Variants in GAB2 observed in about 807,000 individuals in gnomAD.
GAB2 encodes the protein GRB2-associated-binding protein 2.
In GAB2, 26 loss-of-function variants were observed where a neutral mutation model predicts 65.5. That is an observed-to-expected ratio of 0.40 (90% confidence interval 0.29 to 0.55). The LOEUF (loss-of-function observed/expected upper bound fraction) is 0.55, where lower values mean the gene tolerates loss of function less well. GAB2 is among the 20% of genes least tolerant of loss of function. The probability of loss-of-function intolerance (pLI) is 0.53; values close to 1 mark genes in which losing one functional copy is unlikely to be tolerated. For missense variants in GAB2, 884 were observed against 875.8 expected (o/e 1.01, Z -0.12); for synonymous variants, 321 against 329.6 (o/e 0.97, Z 0.28).
At chr11:78,239,255 C>G (rs556232685) in intron 3 of GAB2, among the ~76,000 whole-genome samples, 2 of 152,220 alleles carry the variant, frequency 1.3e-5, no homozygotes, top group African/African-American at 2.4e-5. Flanking sequence ...GAGTCTTGCT[C>G]TGTTGCCCAG....
At position 78,417,721 on chromosome 11, in the gene GAB2, G is replaced by T; in HGVS notation, c.-1C>A. The T allele has an allele frequency of 7.6e-7, 1 of 1,323,256 alleles. No individual in the cohort carries two copies. The allele number at this position is 1,323,256 out of a possible 1,614,324, so 82.0% of individuals were successfully genotyped here. A position where few individuals can be genotyped will look rare whatever the true frequency, so the allele number is the denominator to read the frequency against. The stretch of plus-strand genomic sequence containing the variant: ...ACACCACGTCGCCGCCGCCGCTCAT[G>T]CTGCCGGCCTGGAGCCCCCCGCCGG... On this transcript the variant is annotated 5_prime_UTR_variant, in exon 1 of 10. Transcript: ENST00000361507.
chr11:78,302,654 T>G (rs1867061200), intron 1 of GAB2, among the ~76,000 whole-genome samples: 2 of 152,226 alleles, frequency 1.3e-5, no homozygotes. Flanking sequence ...AACTACCATT[T>G]GATCCAGCAA....
chr11:78,242,225 G>A (rs563655701), intron 3 of GAB2, among the ~76,000 whole-genome samples: 2 of 152,306 alleles, frequency 1.3e-5, no homozygotes, highest in South Asian at 4.1e-4. Flanking sequence ...ATTTAGAGCC[G>A]GGTGTGGTGG....
intron 1 of GAB2, among the ~76,000 whole-genome samples, chr11:78,334,175 G>A (rs1855961540): frequency 1.3e-5 from 2 of 152,124 alleles, no homozygotes; most frequent in African/African-American, 4.8e-5. Flanking sequence ...TTTGACACAA[G>A]CATGCAATGT....
At chr11:78,383,462 C>T (rs1213147770) in intron 1 of GAB2, among the ~76,000 whole-genome samples, 2 of 150,118 alleles carry the variant, frequency 1.3e-5, no homozygotes, top group Admixed American at 1.3e-4. Context: ...CGTGGGGTCT[C>T]AGCCGTGTGT....
chr11:78,332,880 T>C (rs1380574986), intron 1 of GAB2, among the ~76,000 whole-genome samples: 3 of 152,144 alleles, frequency 2.0e-5, no homozygotes, highest in Non-Finnish European at 2.9e-5. Flanking sequence ...AATTTGAAGA[T>C]ATAGTTTTTG....
chr11:78,409,135 G>T (rs1317134967), intron 1 of GAB2, among the ~76,000 whole-genome samples: 1 of 152,012 alleles, frequency 6.6e-6, no homozygotes, highest in Non-Finnish European at 1.5e-5. Context: ...TCAGATATAG[G>T]CTATAATATA....
intron 1 of GAB2, among the ~76,000 whole-genome samples, chr11:78,288,925 T>G (rs1185778776): frequency 1.3e-5 from 2 of 152,218 alleles, no homozygotes; most frequent in East Asian, 1.9e-4. Context: ...ACTTATTATA[T>G]AGCTACAACA....
At position 78,275,343 on chromosome 11, in the gene GAB2, G is replaced by C. The variant is rs771893442; in HGVS notation, c.376+5258C>G. On this transcript the variant is annotated intron_variant, in intron 2 of 9. Coordinates refer to ENST00000361507, the MANE Select transcript of GAB2 (RefSeq NM_080491.3). ...TCATCATATGAAAAATGGAAATAAA[G>C]GTGATAAAGTGATTAAATGAAATAG... Among the ~76,000 whole-genome samples, 15 of 152,098 alleles carry C rather than the reference G, an allele frequency of 9.9e-5. No individual in the cohort carries two copies. The East Asian group carries it at 2.9e-3, about 29-fold the overall frequency.
intron 1 of GAB2, among the ~76,000 whole-genome samples, chr11:78,307,423 G>A (rs930356237): frequency 6.6e-6 from 1 of 152,072 alleles, no homozygotes; most frequent in Admixed American, 6.6e-5. Context: ...TTTGTGATGG[G>A]GAAAATAAAT....
chr11:78,336,003 G>A (rs1196328502), intron 1 of GAB2, among the ~76,000 whole-genome samples: 1 of 151,752 alleles, frequency 6.6e-6, no homozygotes, highest in African/African-American at 2.4e-5. Flanking sequence ...TACTATAAAT[G>A]GGATTACTTT....
intron 1 of GAB2, among the ~76,000 whole-genome samples, chr11:78,286,736 T>C (rs1246924101): frequency 6.6e-6 from 1 of 152,086 alleles, no homozygotes; most frequent in African/African-American, 2.4e-5. Context: ...ATGGTGTGAG[T>C]TATTTGGCAC....
chr11:78,237,150 C>G (rs891401302), intron 3 of GAB2, among the ~76,000 whole-genome samples: 7 of 152,112 alleles, frequency 4.6e-5, no homozygotes, highest in African/African-American at 1.7e-4. Context: ...TAGAATTTAC[C>G]AGTAAAACCA....
chr11:78,276,785 C>A (rs547906239), intron 2 of GAB2, among the ~76,000 whole-genome samples: 2 of 152,112 alleles, frequency 1.3e-5, no homozygotes, highest in South Asian at 4.2e-4. Flanking sequence ...CAGACAATAT[C>A]TTTTAAATAT....
chr11:78,342,257 A>G (rs1856108764), intron 1 of GAB2, among the ~76,000 whole-genome samples: 2 of 152,134 alleles, frequency 1.3e-5, no homozygotes, highest in South Asian at 4.1e-4. Context: ...TCATTCTCAC[A>G]TCGCATTATT....
chr11:78,235,540 G>A (rs1452506784), intron 3 of GAB2, among the ~76,000 whole-genome samples: 1 of 152,064 alleles, frequency 6.6e-6, no homozygotes, highest in Non-Finnish European at 1.5e-5. Flanking sequence ...TGCCTTTAAC[G>A]ATACCCAAGT....
chr11:78,385,170 T>C (rs1432295155), intron 1 of GAB2, among the ~76,000 whole-genome samples: 2 of 152,208 alleles, frequency 1.3e-5, no homozygotes. Context: ...GGGAAAATCA[T>C]GGTGATACAC....
At chr11:78,295,469 T>C (rs1866800238) in intron 1 of GAB2, among the ~76,000 whole-genome samples, 1 of 152,192 alleles carries the variant, frequency 6.6e-6, no homozygotes, top group Admixed American at 6.6e-5. Context: ...TACTCACACC[T>C]ACACAAACTC....
At chr11:78,349,593 G>T (rs1856243644) in intron 1 of GAB2, among the ~76,000 whole-genome samples, 1 of 152,212 alleles carries the variant, frequency 6.6e-6, no homozygotes, top group Non-Finnish European at 1.5e-5. Context: ...GAAAGGAAAA[G>T]CCCTGATAGC....
Sources: gnomAD v4.1 joint callset for allele counts (sites outside exome capture counted in the v4.1 genomes callset) on GRCh38, gnomAD v4.1.1 for gene constraint, MANE v1.5 for transcripts, NCBI Gene and HGNC (gene_info 2026-07-23, HGNC 2026-07-21) for gene names.